COLEC12: variants seen among roughly 807,000 people sequenced by gnomAD.
The protein encoded by COLEC12 is collectin subfamily member 12.
COLEC12 carries 33 observed loss-of-function variants against 71.1 expected under a neutral mutation model. The observed-to-expected ratio is 0.46, with a 90% CI of 0.35 to 0.62. COLEC12 has a LOEUF of 0.62. Ranked by LOEUF, COLEC12 falls within the 20% of genes least tolerant of loss-of-function variation. The probability of loss-of-function intolerance (pLI) is 0.00; values close to 1 mark genes in which losing one functional copy is unlikely to be tolerated. For synonymous variants in COLEC12, 350 were observed against 353.0 expected, an observed-to-expected ratio of 0.99 and a Z score of 0.10; for missense variants, 765 against 916.1, an observed-to-expected ratio of 0.84 and a Z score of 2.13.
chr18:459,123 G>A (rs1916929033), intron 2 of COLEC12, among the ~76,000 whole-genome samples: 1 of 152,166 alleles, frequency 6.6e-6, no homozygotes, highest in Non-Finnish European at 1.5e-5. Flanking sequence ...TAGCAGCCGG[G>A]ATTACATGCA....
chr18:441,449 A>C lies in COLEC12; in HGVS notation c.58+39258T>G, dbSNP rs138736298. Reference sequence around the variant, plus strand: ...GCTCTTTCAAACTGTTCATCACACTATGTGATGCTGAGTACATAATGGTGC... The same window carrying C: ...GCTCTTTCAAACTGTTCATCACACTCTGTGATGCTGAGTACATAATGGTGC... On this transcript the variant is annotated intron_variant, in intron 2 of 9. Transcript: ENST00000400256. Among the ~76,000 whole-genome samples the C allele has an allele frequency of 3.0e-3, 452 of 152,038 alleles. 1 individual carries two copies. The highest frequency in any genetic ancestry group is 9.9e-3 in the African/African-American group (409 of 41,486).
intron 5 of COLEC12, among the ~76,000 whole-genome samples, chr18:337,101 C>G (rs1289386754): frequency 6.6e-6 from 1 of 151,902 alleles, no homozygotes; most frequent in Non-Finnish European, 1.5e-5. Flanking sequence ...GAATTCCTGG[C>G]TTCAAGCGAT....
At position 319,337 on chromosome 18, in the gene COLEC12, A is replaced by ATATATATAT. The variant is rs1263631595; in HGVS notation, c.*707_*708insATATATATA. 2.2e-4 allele frequency: 8 copies of ATATATATAT among 36,408 alleles called. No individual in the cohort carries two copies. Among genetic ancestry groups the ATATATATAT allele is most frequent in the South Asian group, 2.6e-3 (2 of 774 alleles). 2.3% of individuals were successfully genotyped at this position (36,408 alleles called of 1,614,324 possible). On this transcript the variant is annotated 3_prime_UTR_variant, in exon 10 of 10. Transcript: ENST00000400256. Reference sequence around the variant, plus strand: ...ATGAAACATTAAAAAAAAAAAAAAAAAAAAATATATATATATATATATATA... The same window carrying ATATATATAT: ...ATGAAACATTAAAAAAAAAAAAAAAATATATATATAAAAATATATATATATATATATATA...
At chr18:496,509 ACTC>A in intron 1 of COLEC12, among the ~76,000 whole-genome samples, 1 of 152,276 alleles carries the variant, frequency 6.6e-6, no homozygotes, top group South Asian at 2.1e-4. Flanking sequence ...AGAAAATATG[ACTC>A]TTTCAATGTT....
At chr18:495,656 C>A (rs7231000) in intron 1 of COLEC12, among the ~76,000 whole-genome samples, 36,989 of 152,202 alleles carry the variant, frequency 0.24, 4,663 homozygotes, top group East Asian at 0.37. Flanking sequence ...CATTACAGTT[C>A]TAAGTCCGGA....
chr18:376,744 A>AC (rs1211717431), intron 2 of COLEC12, among the ~76,000 whole-genome samples: 1 of 152,162 alleles, frequency 6.6e-6, no homozygotes, highest in Non-Finnish European at 1.5e-5. Flanking sequence ...TAGCTGCTTA[A>AC]CCCAAGACTC....
intron 2 of COLEC12, among the ~76,000 whole-genome samples, chr18:446,599 C>A (rs1474781250): frequency 2.7e-5 from 4 of 149,858 alleles, no homozygotes; most frequent in African/African-American, 9.9e-5. Flanking sequence ...GGAGCACACA[C>A]CTGGGAGGCT....
intron 2 of COLEC12, among the ~76,000 whole-genome samples, chr18:369,999 T>G (rs1914965743): frequency 6.6e-6 from 1 of 152,024 alleles, no homozygotes; most frequent in South Asian, 2.1e-4. Flanking sequence ...ATGCAGGGAT[T>G]AAAACCCGAC....
intron 8 of COLEC12, among the ~76,000 whole-genome samples, chr18:325,926 A>G (rs1409838433): frequency 6.6e-6 from 1 of 152,110 alleles, no homozygotes; most frequent in African/African-American, 2.4e-5. Context: ...CGCCTCCCAA[A>G]GGAAAAGATC....
intron 2 of COLEC12, among the ~76,000 whole-genome samples, chr18:368,823 G>A (rs193087471): frequency 2.5e-4 from 38 of 152,282 alleles, no homozygotes; most frequent in East Asian, 5.8e-4. Flanking sequence ...CCGAGATCAC[G>A]TCACTGCACT....
At chr18:395,924 A>C (rs542849777) in intron 2 of COLEC12, among the ~76,000 whole-genome samples, 4 of 152,188 alleles carry the variant, frequency 2.6e-5, no homozygotes, top group Non-Finnish European at 5.9e-5. Flanking sequence ...TTCAAAGCAC[A>C]TGTTTATTCC....
chr18:448,529 T>C (rs997632317), intron 2 of COLEC12, among the ~76,000 whole-genome samples: 2 of 152,222 alleles, frequency 1.3e-5, no homozygotes, highest in African/African-American at 2.4e-5. Context: ...TTTCATAATA[T>C]ATGAGCAGCC....
chr18:401,267 T>C (rs556841234), intron 2 of COLEC12, among the ~76,000 whole-genome samples: 1 of 152,370 alleles, frequency 6.6e-6, no homozygotes, highest in Admixed American at 6.5e-5. Context: ...AATCAGTTAT[T>C]CATGAGTGAA....
chr18:463,790 C>G (rs901835127), intron 2 of COLEC12, among the ~76,000 whole-genome samples: 1 of 152,184 alleles, frequency 6.6e-6, no homozygotes, highest in East Asian at 1.9e-4. Context: ...CTTCCCCTAG[C>G]CCCCAATTTC....
intron 3 of COLEC12, among the ~76,000 whole-genome samples, chr18:350,090 G>A (rs1914476172): frequency 6.6e-6 from 1 of 152,240 alleles, no homozygotes; most frequent in Admixed American, 6.5e-5. Flanking sequence ...GCAGGGGCCA[G>A]GGGTGGAATG....
At chr18:368,151 A>T (rs1311326847) in intron 2 of COLEC12, among the ~76,000 whole-genome samples, 1 of 152,258 alleles carries the variant, frequency 6.6e-6, no homozygotes, top group African/African-American at 2.4e-5. Flanking sequence ...GGAGTTTAGA[A>T]ATGACAGTTA....
intron 2 of COLEC12, among the ~76,000 whole-genome samples, chr18:370,278 T>C (rs914883683): frequency 3.3e-5 from 5 of 152,194 alleles, no homozygotes; most frequent in Non-Finnish European, 7.3e-5. Context: ...CATATATAAT[T>C]TCATATGATA....
At chr18:423,665 T>C (rs1299894745) in intron 2 of COLEC12, 1 of 152,240 alleles carries the variant, frequency 6.6e-6, no homozygotes, top group Non-Finnish European at 1.5e-5. Flanking sequence ...GACTGAACTT[T>C]CAGTAGCTTT....
intron 2 of COLEC12, among the ~76,000 whole-genome samples, chr18:423,566 C>T (rs996700166): frequency 1.3e-5 from 2 of 152,078 alleles, no homozygotes; most frequent in Non-Finnish European, 2.9e-5. Context: ...TCAGTGAATG[C>T]CTTCCTAGAA....
Sources: gnomAD v4.1 joint callset for allele counts (sites outside exome capture counted in the v4.1 genomes callset) on GRCh38, gnomAD v4.1.1 for gene constraint, MANE v1.5 for transcripts, NCBI Gene and HGNC (gene_info 2026-07-23, HGNC 2026-07-21) for gene names.